Variants in NBAS observed in about 807,000 individuals in gnomAD.
NBAS encodes NBAS subunit of NRZ tethering complex.
Under a neutral mutation model 302.5 loss-of-function variants are expected in NBAS, and 219 were observed. The observed-to-expected ratio is 0.72, with a 90% CI of 0.65 to 0.81. The LOEUF is 0.81. Among genes scored for constraint, NBAS ranks in the 30% least tolerant of loss-of-function variants. The pLI is 0.00. For synonymous variants in NBAS, 1,118 were observed against 1,021.6 expected, an observed-to-expected ratio of 1.09 and a Z score of -1.80; for missense variants, 2,932 against 2,841.6, an observed-to-expected ratio of 1.03 and a Z score of -0.72.
chr2:15,243,225 TAG>T, intron 44 of NBAS, among the ~76,000 whole-genome samples: 1 of 152,232 alleles, frequency 6.6e-6, no homozygotes, highest in East Asian at 1.9e-4. Context: ...AATTCCCTTG[TAG>T]TTAGGATGAG....
intron 51 of NBAS, among the ~76,000 whole-genome samples, chr2:15,170,269 C>G (rs541772537): frequency 6.6e-6 from 1 of 152,310 alleles, no homozygotes; most frequent in Admixed American, 6.5e-5. Context: ...CAAATCCTTC[C>G]CGTGTTTCTG....
At chr2:14,797,905 G>C in the NBAS span, among the ~76,000 whole-genome samples, 1 of 152,108 alleles carries the variant, frequency 6.6e-6, no homozygotes, top group East Asian at 1.9e-4. Flanking sequence ...TCCAATTTTT[G>C]TTGCTAATAT....
downstream of NBAS, among the ~76,000 whole-genome samples, chr2:15,165,333 A>G (rs2125091709): frequency 6.6e-6 from 1 of 152,304 alleles, no homozygotes; most frequent in East Asian, 1.9e-4. Context: ...GGTGTTACCT[A>G]ATTTGGGAGA....
the NBAS span, among the ~76,000 whole-genome samples, chr2:15,157,609 T>A: frequency 1.1e-4 from 16 of 152,168 alleles, no homozygotes; most frequent in Non-Finnish European, 1.6e-4. Flanking sequence ...TTTTTTCATA[T>A]CAGATGCAAA....
intron 35 of NBAS, 89 bp downstream of exon 35, chr2:15,351,894 ACACACACAC>A (rs1673377282): frequency 1.3e-5 from 11 of 838,786 alleles, no homozygotes; most frequent in Admixed American, 1.9e-5. Flanking sequence ...ACACACACAC[ACACACACAC>A]AAAACCCCTC....
At chr2:15,323,643 C>T (rs1340585679) in intron 38 of NBAS, among the ~76,000 whole-genome samples, 3 of 151,974 alleles carry the variant, frequency 2.0e-5, no homozygotes, top group African/African-American at 7.3e-5. Context: ...CCAGCCTGGA[C>T]AACACGAGGA....
chr2:15,115,184 A>G, the NBAS span, among the ~76,000 whole-genome samples: 1 of 152,244 alleles, frequency 6.6e-6, no homozygotes, highest in African/African-American at 2.4e-5. Flanking sequence ...TGATGAATAA[A>G]TGAGTAAATA....
the NBAS span, among the ~76,000 whole-genome samples, chr2:14,981,058 T>A: frequency 2.8e-5 from 4 of 144,360 alleles, no homozygotes; most frequent in African/African-American, 7.9e-5. Flanking sequence ...AAGAAAAAAA[T>A]GAGAGGAAAA....
the NBAS span, among the ~76,000 whole-genome samples, chr2:14,945,602 T>C: frequency 0.22 from 33,709 of 151,872 alleles, 3,891 homozygotes; most frequent in Middle Eastern, 0.26. Context: ...TTTTTAAAAA[T>C]CAAACAAAAA....
At chr2:15,119,309 T>C in the NBAS span, among the ~76,000 whole-genome samples, 2 of 103,852 alleles carry the variant, frequency 1.9e-5, no homozygotes, top group Non-Finnish European at 3.4e-5. Flanking sequence ...CTTTCTTTTT[T>C]TTTTTTTTTT....
Position 15,417,629 on chromosome 2 carries a change from A to G in NBAS, c.2661T>C (p.Thr887=). 1 of 1,614,044 alleles carries G rather than the reference A, an allele frequency of 6.2e-7. No homozygotes were observed. The highest frequency in any genetic ancestry group is 8.5e-7 in the Non-Finnish European group (1 of 1,179,966). Residue 887 remains threonine (T), a synonymous_variant, in exon 24 of 52, where the codon ACT becomes ACC. Coordinates refer to ENST00000281513, the MANE Select transcript of NBAS (RefSeq NM_015909.4). ...TGGCTTCATAAACCAATGTTTCCAG[A>G]GTAACCAAATTGTCACAGAGAACCA... ...GLLVLCDNLV[T]LETLVYEARC...
intron 51 of NBAS, among the ~76,000 whole-genome samples, chr2:15,171,768 G>T (rs1027024064): frequency 3.9e-5 from 6 of 152,270 alleles, no homozygotes; most frequent in South Asian, 2.1e-4. Context: ...GAGGTCATCA[G>T]GATGGACTCC....
chr2:15,170,113 T>C (rs964926534), intron 51 of NBAS, among the ~76,000 whole-genome samples: 1 of 152,214 alleles, frequency 6.6e-6, no homozygotes, highest in African/African-American at 2.4e-5. Context: ...GTTTACTCAC[T>C]AACCCTCCCC....
chr2:14,845,458 A>G, the NBAS span, among the ~76,000 whole-genome samples: 1 of 152,224 alleles, frequency 6.6e-6, no homozygotes, highest in Admixed American at 6.5e-5. Context: ...GCCAGATTGT[A>G]AAGACTGCAC....
the NBAS span, among the ~76,000 whole-genome samples, chr2:15,114,987 A>G: frequency 6.6e-6 from 1 of 152,204 alleles, no homozygotes; most frequent in Admixed American, 6.5e-5. Context: ...TATGTTTGTA[A>G]TGCCTGTCAT....
In NBAS at chr2:15,235,659, T is replaced by C. The variant is rs374479831; in HGVS notation, c.5944-912A>G. Among the ~76,000 whole-genome samples the C allele has an allele frequency of 4.6e-5, 7 of 152,306 alleles. No individual in the cohort carries two copies. In the South Asian group the frequency reaches 1.2e-3, roughly 27 times the overall value. ...GTTATTTTAAAGTATCTTTTAGAGA[T>C]AGATAGGGAGGTATTTATGAATAAA... On this transcript the variant is annotated intron_variant, in intron 45 of 51. Transcript: ENST00000281513.
chr2:15,532,828 T>C (rs1455191375), intron 9 of NBAS, among the ~76,000 whole-genome samples: 1 of 151,592 alleles, frequency 6.6e-6, no homozygotes, highest in African/African-American at 2.4e-5. Flanking sequence ...TAAATGTAAA[T>C]ATAAGAAAAA....
intron 35 of NBAS, among the ~76,000 whole-genome samples, chr2:15,335,760 C>T (rs76467386): frequency 0.012 from 1,886 of 152,184 alleles, 54 homozygotes; most frequent in East Asian, 0.11. Flanking sequence ...TGAATACTTG[C>T]TATTACTCTG....
Position 15,467,744 on chromosome 2 carries a change from A to C in NBAS, c.1938T>G (p.Pro646=), listed in dbSNP as rs1462345324. 1 of 1,604,122 alleles carries C rather than the reference A, an allele frequency of 6.2e-7. No homozygotes were observed. The change falls in exon 18 of 52, where the codon CCT becomes CCG. Residue 646 remains proline, a synonymous_variant. Coordinates refer to ENST00000281513, the MANE Select transcript of NBAS (RefSeq NM_015909.4). ...TTTTATTCTTGGCAGGCTCTTCATC[A>C]GGTGGTGAAAGCTCTTCATAGGAGA... ...DSISYEELSP[P]DEEPAKNKKE...
Sources: gnomAD v4.1 joint callset for allele counts (sites outside exome capture counted in the v4.1 genomes callset) on GRCh38, gnomAD v4.1.1 for gene constraint, MANE v1.5 for transcripts, NCBI Gene and HGNC (gene_info 2026-07-23, HGNC 2026-07-21) for gene names.